Variants in CRLS1 observed in about 807,000 individuals in gnomAD.
CRLS1 encodes the protein cardiolipin synthase (CMP-forming).
Under a neutral mutation model 37.0 loss-of-function variants are expected in CRLS1, and 24 were observed. That is an observed-to-expected ratio of 0.65 (90% confidence interval 0.47 to 0.91). CRLS1 has a LOEUF of 0.91. Among genes scored for constraint, CRLS1 ranks in the 40% least tolerant of loss-of-function variants. CRLS1 has a pLI of 0.00. For synonymous variants in CRLS1, 135 were observed against 159.7 expected (o/e 0.85, Z 1.17); for missense variants, 373 against 395.8 (o/e 0.94, Z 0.49).
intron 3 of CRLS1, among the ~76,000 whole-genome samples, chr20:6,027,449 C>T (rs1307819753): frequency 5.3e-5 from 8 of 151,946 alleles, no homozygotes; most frequent in African/African-American, 1.9e-4. Context: ...ACACTGTCAC[C>T]CAGGCTGGAA....
chr20:6,024,071 G>A (rs981430650), intron 3 of CRLS1, among the ~76,000 whole-genome samples: 2 of 151,792 alleles, frequency 1.3e-5, no homozygotes, highest in African/African-American at 2.4e-5. Flanking sequence ...TCTTGCCTGC[G>A]CTTCTTGAGT....
chr20:6,006,621 A>T (rs2294971), intron 1 of CRLS1, 69 bp downstream of exon 1: 844,802 of 1,233,548 alleles, frequency 0.68, 291,409 homozygotes, highest in African/African-American at 0.9. Flanking sequence ...TCAGGTAACA[A>T]GCTCTGGGTG....
chr20:6,036,391 G>A (rs892034228), intron 6 of CRLS1, among the ~76,000 whole-genome samples: 6 of 152,188 alleles, frequency 3.9e-5, no homozygotes, highest in East Asian at 1.9e-4. Flanking sequence ...GTGCGTGGGC[G>A]CACTAAAAAG....
intron 4 of CRLS1, 38 bp downstream of exon 4, chr20:6,031,408 A>G (rs1404274538): frequency 1.4e-6 from 2 of 1,451,526 alleles, no homozygotes; most frequent in African/African-American, 1.4e-5. Flanking sequence ...TTAGCATTAT[A>G]TATGATTTAA....
At chr20:6,008,147 ATGGAATTTTAAAAGAAT>A (rs1210016615) in intron 1 of CRLS1, among the ~76,000 whole-genome samples, 19 of 18,064 alleles carry the variant, frequency 1.1e-3, no homozygotes, top group African/African-American at 9.6e-3. Context: ...ATCTTCAGAA[ATGGAATTTTAAAAGAAT>A]CTTCAGAAAT....
At position 6,019,714 on chromosome 20, in the gene CRLS1, T is replaced by G. The variant is rs1434775390; in HGVS notation, c.574+4224T>G. 1.8e-4 allele frequency among the ~76,000 whole-genome samples: 25 copies of G among 139,508 alleles called. 1 individual carries two copies. Among genetic ancestry groups the G allele is most frequent in the African/African-American group, 6.8e-4 (25 of 36,756 alleles). The allele number at this position is 139,508 out of a possible 152,430, so 91.5% of individuals were successfully genotyped here. ...TTCTTTTTTTTTTTTTTTTTTTGAG[T>G]GCAGTGGCATGATCTCAGCTCACTG... On this transcript the variant is annotated intron_variant, in intron 3 of 6. Transcript: ENST00000378863.
At chr20:6,027,836 A>G (rs1220486350) in intron 3 of CRLS1, among the ~76,000 whole-genome samples, 1 of 152,218 alleles carries the variant, frequency 6.6e-6, no homozygotes, top group Non-Finnish European at 1.5e-5. Context: ...CAGCCCTAGC[A>G]GTAAGGTGTT....
At chr20:6,017,110 C>T (rs370995606) in intron 3 of CRLS1, among the ~76,000 whole-genome samples, 4 of 152,228 alleles carry the variant, frequency 2.6e-5, no homozygotes, top group African/African-American at 9.6e-5. Flanking sequence ...CTGACCTCAG[C>T]CTCCCAAGAA....
At chr20:6,020,661 C>G (rs1349854365) in intron 3 of CRLS1, among the ~76,000 whole-genome samples, 1 of 150,464 alleles carries the variant, frequency 6.6e-6, no homozygotes, top group Non-Finnish European at 1.5e-5. Flanking sequence ...CTTGCTCTGT[C>G]GCCCAGGCTG....
chr20:6,029,929 A>G (rs1001431778), intron 3 of CRLS1, among the ~76,000 whole-genome samples: 4 of 152,244 alleles, frequency 2.6e-5, no homozygotes, highest in African/African-American at 9.6e-5. Flanking sequence ...TAAATCTGTA[A>G]TTAGAGATTT....
chr20:6,035,111 G>A (rs1371894881), intron 6 of CRLS1, among the ~76,000 whole-genome samples: 1 of 152,152 alleles, frequency 6.6e-6, no homozygotes, highest in African/African-American at 2.4e-5. Context: ...ATTATATTTT[G>A]GCACAATTTT....
intron 3 of CRLS1, among the ~76,000 whole-genome samples, chr20:6,018,575 T>G (rs186693422): frequency 1.3e-5 from 2 of 152,320 alleles, no homozygotes; most frequent in Admixed American, 1.3e-4. Flanking sequence ...GTCAGTATCC[T>G]TTTTCAAGTT....
At chr20:6,017,675 G>C (rs1978863541) in intron 3 of CRLS1, among the ~76,000 whole-genome samples, 1 of 152,162 alleles carries the variant, frequency 6.6e-6, no homozygotes, top group South Asian at 2.1e-4. Context: ...GCTTTTCTAA[G>C]AATCAGCAAT....
At chr20:6,007,821 C>T (rs918044115) in intron 1 of CRLS1, among the ~76,000 whole-genome samples, 3 of 152,136 alleles carry the variant, frequency 2.0e-5, no homozygotes, top group Non-Finnish European at 2.9e-5. Flanking sequence ...CTGAAACACT[C>T]TGATATTTGA....
At position 6,012,522 on chromosome 20, in the gene CRLS1, C is replaced by T. The variant is rs1978403845; in HGVS notation, c.444+2610C>T. On this transcript the variant is annotated intron_variant, in intron 2 of 6. Transcript: ENST00000378863. ...GAGTGGGAGGAGTCAAATATGAATA[C>T]TAGGGACTTACTTTAAAAAAAAAAT... Among the ~76,000 whole-genome samples the T allele has an allele frequency of 2.6e-5, 4 of 152,076 alleles. No individual in the cohort carries two copies. In the Middle Eastern group the frequency reaches 0.01, roughly 388 times the overall value.
chr20:6,023,925 CAT>C (rs1979470802), intron 3 of CRLS1, among the ~76,000 whole-genome samples: 1 of 150,266 alleles, frequency 6.7e-6, no homozygotes, highest in African/African-American at 2.5e-5. Flanking sequence ...ATTTTTCTAA[CAT>C]ATGTGCTCAT....
chr20:6,025,443 C>T (rs763179445), intron 3 of CRLS1, among the ~76,000 whole-genome samples: 1 of 152,202 alleles, frequency 6.6e-6, no homozygotes, highest in Non-Finnish European at 1.5e-5. Context: ...AAAAATGTTA[C>T]TGCTCATTGA....
intron 5 of CRLS1, among the ~76,000 whole-genome samples, chr20:6,034,183 A>T (rs191766701): frequency 3.0e-4 from 45 of 152,308 alleles, no homozygotes; most frequent in African/African-American, 1.1e-3. Context: ...AACATTTTTG[A>T]GTTGCTGTGA....
intron 1 of CRLS1, among the ~76,000 whole-genome samples, chr20:6,008,150 G>A (rs556443996): frequency 4.7e-5 from 1 of 21,258 alleles, no homozygotes; most frequent in Non-Finnish European, 8.9e-5. Context: ...TTCAGAAATG[G>A]AATTTTAAAA....
Sources: gnomAD v4.1 joint callset for allele counts (sites outside exome capture counted in the v4.1 genomes callset) on GRCh38, gnomAD v4.1.1 for gene constraint, MANE v1.5 for transcripts, NCBI Gene and HGNC (gene_info 2026-07-23, HGNC 2026-07-21) for gene names.